CTNND2: variants seen among roughly 807,000 people sequenced by gnomAD.
CTNND2 encodes the protein catenin delta-2.
Under a neutral mutation model 144.4 loss-of-function variants are expected in CTNND2, and 22 were observed. The ratio of observed to expected loss-of-function variants is 0.15; its 90% CI spans 0.11 to 0.22. CTNND2 has a LOEUF of 0.22. Among genes scored for constraint, CTNND2 ranks in the 10% least tolerant of loss-of-function variants. The pLI is 1.00. For missense variants in CTNND2, 1,353 were observed against 1,618.8 expected (o/e 0.84, Z 2.82); for synonymous variants, 751 against 695.6 (o/e 1.08, Z -1.25).
At chr5:11,001,893 A>T (rs1352083809) in intron 18 of CTNND2, among the ~76,000 whole-genome samples, 1 of 152,132 alleles carries the variant, frequency 6.6e-6, no homozygotes, top group Non-Finnish European at 1.5e-5. Flanking sequence ...CTGGAAAATA[A>T]TTTTGAAGCA....
intron 2 of CTNND2, among the ~76,000 whole-genome samples, chr5:11,603,227 A>G (rs2126340685): frequency 6.6e-6 from 1 of 152,298 alleles, no homozygotes; most frequent in South Asian, 2.1e-4. Context: ...TACTGAACAG[A>G]TTCCATGTAT....
intron 1 of CTNND2, among the ~76,000 whole-genome samples, chr5:11,757,929 A>G (rs1269369988): frequency 6.6e-6 from 1 of 152,024 alleles, no homozygotes; most frequent in Non-Finnish European, 1.5e-5. Flanking sequence ...AAAAATAAAC[A>G]GCATGTACAG....
At chr5:11,836,509 T>A (rs1581976897) in intron 1 of CTNND2, among the ~76,000 whole-genome samples, 1 of 148,074 alleles carries the variant, frequency 6.8e-6, no homozygotes. Context: ...TAAAATTAGA[T>A]AATACCACTA....
intron 9 of CTNND2, among the ~76,000 whole-genome samples, chr5:11,241,490 T>A (rs1742446491): frequency 6.6e-6 from 1 of 152,214 alleles, no homozygotes; most frequent in South Asian, 2.1e-4. Context: ...TCCAGGCAGT[T>A]GACTTCTGGT....
chr5:11,706,505 T>C (rs1785700037), intron 2 of CTNND2, among the ~76,000 whole-genome samples: 1 of 152,126 alleles, frequency 6.6e-6, no homozygotes, highest in South Asian at 2.1e-4. Flanking sequence ...GGCAAATATA[T>C]AAAGGCAGAT....
At chr5:11,158,874 C>T (rs1758485452) in intron 12 of CTNND2, among the ~76,000 whole-genome samples, 2 of 152,156 alleles carry the variant, frequency 1.3e-5, no homozygotes, top group African/African-American at 4.8e-5. Flanking sequence ...CAAAATACAA[C>T]ACTTTTGGGA....
chr5:11,714,765 C>T (rs768037058), intron 2 of CTNND2, among the ~76,000 whole-genome samples: 1 of 151,654 alleles, frequency 6.6e-6, no homozygotes, highest in African/African-American at 2.4e-5. Context: ...AAAAATTAGC[C>T]GGGCATGGTG....
chr5:11,130,230 C>G (rs1755436960), intron 12 of CTNND2, among the ~76,000 whole-genome samples: 1 of 151,774 alleles, frequency 6.6e-6, no homozygotes, highest in South Asian at 2.1e-4. Context: ...GTTCTGTGCC[C>G]AAAGCGGTGG....
intron 12 of CTNND2, among the ~76,000 whole-genome samples, chr5:11,125,418 T>C (rs1754579438): frequency 6.6e-6 from 1 of 152,268 alleles, no homozygotes; most frequent in Non-Finnish European, 1.5e-5. Flanking sequence ...GCGGTGCACA[T>C]AGCTGCGCTA....
intron 3 of CTNND2, among the ~76,000 whole-genome samples, chr5:11,557,271 A>T (rs1776306204): frequency 6.6e-6 from 1 of 152,204 alleles, no homozygotes. Context: ...CAGACTTGGC[A>T]GGCAAGTCAG....
At chr5:11,900,970 C>T (rs1737826873) in intron 1 of CTNND2, among the ~76,000 whole-genome samples, 2 of 152,076 alleles carry the variant, frequency 1.3e-5, no homozygotes, top group African/African-American at 4.8e-5. Flanking sequence ...AAATAATGTT[C>T]GCACAGAGAA....
intron 8 of CTNND2, among the ~76,000 whole-genome samples, chr5:11,357,850 G>T (rs1052189382): frequency 2.6e-5 from 4 of 152,034 alleles, no homozygotes; most frequent in Non-Finnish European, 5.9e-5. Context: ...AATTAAATAA[G>T]TAATTTTTTA....
chr5:11,009,658 C>A (rs1278267604), intron 18 of CTNND2, among the ~76,000 whole-genome samples: 1 of 152,166 alleles, frequency 6.6e-6, no homozygotes, highest in Non-Finnish European at 1.5e-5. Flanking sequence ...GGGTTTGATT[C>A]AAAAATGTTA....
intron 11 of CTNND2, among the ~76,000 whole-genome samples, chr5:11,175,625 C>A (rs1030073031): frequency 3.4e-5 from 3 of 87,878 alleles, no homozygotes; most frequent in African/African-American, 4.5e-5. Context: ...TTGTTTCTTT[C>A]TTTTTTTATT....
intron 5 of CTNND2, among the ~76,000 whole-genome samples, chr5:11,399,045 G>C (rs1229184267): frequency 6.6e-6 from 1 of 152,194 alleles, no homozygotes; most frequent in East Asian, 1.9e-4. Context: ...GTGGCTAAGG[G>C]CTTTACCCTT....
intron 21 of CTNND2, among the ~76,000 whole-genome samples, chr5:10,974,574 G>A (rs1186279249): frequency 6.6e-6 from 1 of 152,182 alleles, no homozygotes; most frequent in African/African-American, 2.4e-5. Context: ...CCCCTGAAAT[G>A]AGCAGAACCT....
intron 14 of CTNND2, among the ~76,000 whole-genome samples, chr5:11,110,477 C>T (rs1752851561): frequency 6.6e-6 from 1 of 152,136 alleles, no homozygotes; most frequent in African/African-American, 2.4e-5. Flanking sequence ...CTCTCTGTTT[C>T]CCTTCTTATA....
At chr5:11,042,492 A>G (rs539249003) in intron 16 of CTNND2, among the ~76,000 whole-genome samples, 49 of 152,354 alleles carry the variant, frequency 3.2e-4, no homozygotes, top group South Asian at 1.5e-3. Context: ...TTCCTTATTA[A>G]CCAATGAGAT....
intron 1 of CTNND2, among the ~76,000 whole-genome samples, chr5:11,813,971 A>G (rs1489650184): frequency 6.6e-6 from 1 of 152,254 alleles, no homozygotes; most frequent in Non-Finnish European, 1.5e-5. Context: ...CTTGAGAAGC[A>G]TAATCTATTA....
Sources: gnomAD v4.1 joint callset for allele counts (sites outside exome capture counted in the v4.1 genomes callset) on GRCh38, gnomAD v4.1.1 for gene constraint, MANE v1.5 for transcripts, NCBI Gene and HGNC (gene_info 2026-07-23, HGNC 2026-07-21) for gene names.